The following CCDC73 variants were observed in gnomAD, a reference collection of about 807,000 sequenced individuals.
CCDC73 encodes coiled-coil domain-containing protein 73.
CCDC73 carries 95 observed loss-of-function variants against 116.5 expected under a neutral mutation model. The ratio of observed to expected loss-of-function variants is 0.82; its 90% confidence interval spans 0.69 to 0.97. CCDC73 has a LOEUF of 0.97. Ranked by LOEUF, CCDC73 falls within the 50% of genes least tolerant of loss-of-function variation. The pLI is 0.00. For synonymous variants in CCDC73, 398 were observed against 401.3 expected, an observed-to-expected ratio of 0.99 and a Z score of 0.10; for missense variants, 1,066 against 1,206.8, an observed-to-expected ratio of 0.88 and a Z score of 1.73.
chr11:32,781,025 C>G (rs1850578649), intron 1 of CCDC73, among the ~76,000 whole-genome samples: 2 of 152,160 alleles, frequency 1.3e-5, no homozygotes, highest in South Asian at 4.1e-4. Context: ...GTCCCAGCTA[C>G]TTGGGAGGCT....
intron 7 of CCDC73, chr11:32,680,532 A>G (rs1206372969): frequency 2.0e-5 from 3 of 152,134 alleles, no homozygotes; most frequent in Admixed American, 2.0e-4. Context: ...ATCCATAATT[A>G]TATGTATGTG....
chr11:32,813,888 AC>A, the CCDC73 span, among the ~76,000 whole-genome samples: 1 of 152,098 alleles, frequency 6.6e-6, no homozygotes, highest in African/African-American at 2.4e-5. Context: ...TTAGCCTTTT[AC>A]TTTTCCAATC....
intron 14 of CCDC73, among the ~76,000 whole-genome samples, chr11:32,622,728 T>TGG (rs201335183): frequency 2.0e-5 from 1 of 49,398 alleles, no homozygotes. Context: ...TTGGGCGGGG[T>TGG]GGGGGGGAAT....
rs1855292003 is a variant in CCDC73, at chr11:32,602,845, T to A, written c.3206A>T (p.Glu1069Val). The A allele has an allele frequency of 6.2e-7, 1 of 1,608,470 alleles. No homozygotes were observed. Residue 1069 changes from glutamate (E) to valine (V), a missense_variant, in exon 18 of 18, where the codon GAA (glutamate) becomes GTA (valine). Coordinates refer to ENST00000335185, the MANE Select transcript of CCDC73 (RefSeq NM_001008391.4). ...TCTGTTGTTTTTTTCCAACGTCTCT[T>A]CTGCTTTTCTTTTCTTTGGCTGGTT... ...NDNQPKKRKAEETLEKNNRLK is the reference protein window; with the variant it reads ...NDNQPKKRKAVETLEKNNRLK
chr11:32,644,071 G>A lies in CCDC73; in HGVS notation c.940-1989C>T, dbSNP rs12291652. ...CACAGCACTATTCACAATAGCAAAG[G>A]CACAGAATCAACATAAATGCTCATC... On this transcript the variant is annotated intron_variant, in intron 12 of 17. Coordinates refer to ENST00000335185, the MANE Select transcript of CCDC73 (RefSeq NM_001008391.4). Among the ~76,000 whole-genome samples the A allele has an allele frequency of 2.9e-3, 437 of 151,860 alleles. 2 individuals carry two copies. Among genetic ancestry groups the A allele is most frequent in the African/African-American group, 0.01 (424 of 41,412 alleles).
chr11:32,642,404 G>A (rs1275917926), intron 12 of CCDC73, among the ~76,000 whole-genome samples: 1 of 151,912 alleles, frequency 6.6e-6, no homozygotes, highest in Non-Finnish European at 1.5e-5. Context: ...AATGTAGCAC[G>A]ATCCAGCCTA....
At chr11:32,692,682 T>C (rs2133305625) in intron 6 of CCDC73, among the ~76,000 whole-genome samples, 1 of 152,266 alleles carries the variant, frequency 6.6e-6, no homozygotes, top group South Asian at 2.1e-4. Context: ...TCTCCTCCAC[T>C]TCCTCACTTC....
chr11:32,695,874 A>G (rs1177459101), intron 6 of CCDC73, among the ~76,000 whole-genome samples: 2 of 151,756 alleles, frequency 1.3e-5, no homozygotes, highest in African/African-American at 4.8e-5. Flanking sequence ...AACATAAGAA[A>G]ATTGAAACTT....
chr11:32,735,538 T>C (rs1428642672), intron 2 of CCDC73, among the ~76,000 whole-genome samples: 1 of 152,112 alleles, frequency 6.6e-6, no homozygotes, highest in Non-Finnish European at 1.5e-5. Context: ...GAACATTCCA[T>C]GCTCATGGAT....
chr11:32,700,673 T>G, intron 5 of CCDC73, 118 bp downstream of exon 5: 1 of 512,228 alleles, frequency 2.0e-6, no homozygotes, highest in South Asian at 3.0e-5. Context: ...TTGTTACTAA[T>G]GCTCTTTTCT....
At chr11:32,683,732 AT>A (rs1856169219) in intron 6 of CCDC73, among the ~76,000 whole-genome samples, 158 bp from the exon 7 acceptor site, 1 of 152,190 alleles carries the variant, frequency 6.6e-6, no homozygotes, top group Admixed American at 6.5e-5. Context: ...TATATGCTAG[AT>A]ACTTTCCTAG....
At chr11:32,741,676 A>G (rs566632079) in intron 2 of CCDC73, among the ~76,000 whole-genome samples, 2 of 151,698 alleles carry the variant, frequency 1.3e-5, no homozygotes, top group East Asian at 1.9e-4. Flanking sequence ...ATATTTATAT[A>G]TACTTTAAAT....
chr11:32,618,726 A>C (rs938096950), intron 14 of CCDC73, among the ~76,000 whole-genome samples: 2 of 151,896 alleles, frequency 1.3e-5, no homozygotes, highest in Admixed American at 6.6e-5. Flanking sequence ...ATAATTTTTT[A>C]CTTTTAGTAG....
intron 1 of CCDC73, among the ~76,000 whole-genome samples, chr11:32,782,591 T>C (rs1364658694): frequency 6.6e-6 from 1 of 152,178 alleles, no homozygotes; most frequent in Non-Finnish European, 1.5e-5. Flanking sequence ...AAGTGTCTAA[T>C]TTAAAAGACA....
At chr11:32,663,333 T>C (rs1263374315) in intron 9 of CCDC73, among the ~76,000 whole-genome samples, 2 of 152,254 alleles carry the variant, frequency 1.3e-5, no homozygotes, top group Non-Finnish European at 2.9e-5. Context: ...GTTGTTCCAT[T>C]TGTTTGTGTC....
Position 32,699,270 on chromosome 11 carries a change from T to G in CCDC73, c.371A>C (p.Glu124Ala). 6.3e-7 allele frequency: 1 copy of G among 1,582,112 alleles called. No individual in the cohort carries two copies. Among genetic ancestry groups the G allele is most frequent in the Non-Finnish European group, 8.6e-7 (1 of 1,160,514 alleles). Residue 124 changes from glutamate to alanine, a missense_variant, in exon 6 of 18, where the codon GAA (glutamate) becomes GCA (alanine). Physicochemically the swap from Glu to Ala is moderately radical, Grantham distance 107. Coordinates refer to ENST00000335185, the MANE Select transcript of CCDC73 (RefSeq NM_001008391.4). ...IKEKEIEGLK[E>A]TLKALQVSKY... ...TTTTACCTGTAGTGCTTTTAATGTT[T>G]CCTTCAATCCTTCTATTTCTTTTTC... is the stretch of plus-strand genomic sequence containing the variant.
chr11:32,815,193 A>G, the CCDC73 span, among the ~76,000 whole-genome samples: 1 of 152,244 alleles, frequency 6.6e-6, no homozygotes, highest in Admixed American at 6.5e-5. Context: ...TATGATTTAT[A>G]TCTTAAATTT....
chr11:32,776,936 A>AAAAAAAT (rs1341535562), intron 1 of CCDC73, among the ~76,000 whole-genome samples: 3 of 36,464 alleles, frequency 8.2e-5, no homozygotes, highest in African/African-American at 2.5e-4. Context: ...AAAAAAAAAA[A>AAAAAAAT]ATATATATAT....
intron 14 of CCDC73, among the ~76,000 whole-genome samples, chr11:32,622,375 T>C (rs1656379751): frequency 6.6e-6 from 1 of 152,106 alleles, no homozygotes; most frequent in African/African-American, 2.4e-5. Flanking sequence ...TAGATGAAAC[T>C]AGAAGCCATC....
Sources: gnomAD v4.1 joint callset for allele counts (sites outside exome capture counted in the v4.1 genomes callset) on GRCh38, gnomAD v4.1.1 for gene constraint, MANE v1.5 for transcripts, NCBI Gene and HGNC (gene_info 2026-07-23, HGNC 2026-07-21) for gene names.